Variants in RPS6KC1 observed in about 807,000 individuals in gnomAD.
RPS6KC1 encodes the protein inactive ribosomal protein S6 kinase delta-1.
RPS6KC1 carries 54 observed loss-of-function variants against 103.8 expected under a neutral mutation model. The observed-to-expected ratio is 0.52, with a 90% CI of 0.42 to 0.65. RPS6KC1 has a LOEUF of 0.65. Ranked by LOEUF, RPS6KC1 falls within the 30% of genes least tolerant of loss-of-function variation. RPS6KC1 has a pLI of 0.00. For synonymous variants in RPS6KC1, 439 were observed against 438.7 expected, an observed-to-expected ratio of 1.00 and a Z score of -0.01; for missense variants, 1,151 against 1,253.8, an observed-to-expected ratio of 0.92 and a Z score of 1.24.
chr1:213,401,249 C>T, the RPS6KC1 span, among the ~76,000 whole-genome samples: 1 of 152,146 alleles, frequency 6.6e-6, no homozygotes, highest in South Asian at 2.1e-4. Context: ...ATGAATTACT[C>T]AAACAGCCTG....
At chr1:213,627,364 G>T in the RPS6KC1 span, among the ~76,000 whole-genome samples, 1 of 152,024 alleles carries the variant, frequency 6.6e-6, no homozygotes, top group African/African-American at 2.4e-5. Context: ...CATGTCATCT[G>T]CAAACAGGGA....
chr1:213,788,680 C>T, the RPS6KC1 span, among the ~76,000 whole-genome samples: 7,331 of 152,264 alleles, frequency 0.048, 278 homozygotes, highest in East Asian at 0.19. Flanking sequence ...ACTCATCTGA[C>T]ACCATGCGGA....
chr1:213,641,164 A>AT, the RPS6KC1 span, among the ~76,000 whole-genome samples: 1 of 150,626 alleles, frequency 6.6e-6, no homozygotes, highest in African/African-American at 2.4e-5. Context: ...CTCTTTTACC[A>AT]TTTTTTTTCT....
At chr1:213,313,489 CT>C in the RPS6KC1 span, among the ~76,000 whole-genome samples, 1 of 152,264 alleles carries the variant, frequency 6.6e-6, no homozygotes, top group African/African-American at 2.4e-5. Context: ...GTTTATATCC[CT>C]TTTTTGACAC....
the RPS6KC1 span, among the ~76,000 whole-genome samples, chr1:213,661,139 C>CT: frequency 5.3e-5 from 8 of 152,154 alleles, no homozygotes; most frequent in Non-Finnish European, 7.3e-5. Flanking sequence ...AAGCTGCCCC[C>CT]TTTTTTTCTA....
At chr1:213,362,575 G>A in the RPS6KC1 span, among the ~76,000 whole-genome samples, 1 of 152,174 alleles carries the variant, frequency 6.6e-6, no homozygotes, top group South Asian at 2.1e-4. Context: ...CCATGCCATG[G>A]GCAAACACGT....
At chr1:213,677,755 C>T in the RPS6KC1 span, among the ~76,000 whole-genome samples, 1 of 152,074 alleles carries the variant, frequency 6.6e-6, no homozygotes, top group African/African-American at 2.4e-5. Context: ...TACCTGTAAT[C>T]CCAGCACTTT....
chr1:213,811,577 C>T, the RPS6KC1 span, among the ~76,000 whole-genome samples: 1 of 152,178 alleles, frequency 6.6e-6, no homozygotes, highest in Non-Finnish European at 1.5e-5. Flanking sequence ...CTGGAGTGAT[C>T]AGGAGTCATC....
rs574463335 is a variant in RPS6KC1, at chr1:213,188,386, C to T, written c.1044+11894C>T. Among the ~76,000 whole-genome samples, 11 of 151,958 alleles carry T rather than the reference C, an allele frequency of 7.2e-5. No homozygotes were observed. In the South Asian group the frequency reaches 1.7e-3, roughly 23 times the overall value. ...TGTCACAGATGTGGAGGTCTGATTC[C>T]CTTGCCATCTGTTCAGAGTTGTTTT... On this transcript the variant is annotated intron_variant, in intron 8 of 14. Coordinates refer to ENST00000366960, the MANE Select transcript of RPS6KC1 (RefSeq NM_012424.6).
At chr1:213,653,551 T>C in the RPS6KC1 span, among the ~76,000 whole-genome samples, 1 of 152,368 alleles carries the variant, frequency 6.6e-6, no homozygotes, top group South Asian at 2.1e-4. Flanking sequence ...AAGTCATTTG[T>C]TGACATTTAA....
chr1:213,672,357 A>C, the RPS6KC1 span, among the ~76,000 whole-genome samples: 1 of 152,230 alleles, frequency 6.6e-6, no homozygotes, highest in Non-Finnish European at 1.5e-5. Flanking sequence ...CACATTTTCA[A>C]ACACATTTCA....
chr1:213,595,961 G>C, the RPS6KC1 span, among the ~76,000 whole-genome samples: 1 of 151,080 alleles, frequency 6.6e-6, no homozygotes, highest in Non-Finnish European at 1.5e-5. Context: ...TTTTTTTTTT[G>C]CTGTTGTGTT....
chr1:213,756,289 T>C, the RPS6KC1 span, among the ~76,000 whole-genome samples: 1 of 152,118 alleles, frequency 6.6e-6, no homozygotes, highest in Non-Finnish European at 1.5e-5. Context: ...TAACTTAATC[T>C]CCAGAAGAAA....
the RPS6KC1 span, among the ~76,000 whole-genome samples, chr1:213,431,763 T>A: frequency 6.6e-6 from 1 of 152,110 alleles, no homozygotes; most frequent in Admixed American, 6.6e-5. Flanking sequence ...AATAGTGTTA[T>A]GAACATTCTT....
the RPS6KC1 span, among the ~76,000 whole-genome samples, chr1:213,693,406 C>T: frequency 6.6e-6 from 1 of 152,242 alleles, no homozygotes; most frequent in African/African-American, 2.4e-5. Flanking sequence ...TGCCCACCCT[C>T]TCCAATTTGG....
At chr1:213,204,514 T>C (rs1200852030) in intron 8 of RPS6KC1, among the ~76,000 whole-genome samples, 1 of 152,074 alleles carries the variant, frequency 6.6e-6, no homozygotes, top group Non-Finnish European at 1.5e-5. Flanking sequence ...GAATAGACAA[T>C]ATAAATACCT....
At chr1:213,541,106 C>G in the RPS6KC1 span, among the ~76,000 whole-genome samples, 1 of 44,224 alleles carries the variant, frequency 2.3e-5, no homozygotes, top group Non-Finnish European at 5.8e-5. Context: ...CAACTTCATT[C>G]AAGCTCCTGT....
rs869259657 is a variant in RPS6KC1 at position 213,057,752 on chromosome 1, C to CTTTTTTTTTTTTT, written c.105+6255_105+6267dup. 1.8e-4 allele frequency among the ~76,000 whole-genome samples: 13 copies of CTTTTTTTTTTTTT among 73,700 alleles called. 1 individual carries two copies. The highest frequency in any genetic ancestry group is 4.9e-4 in the East Asian group (1 of 2,050). 48.4% of individuals were successfully genotyped at this position (73,700 alleles called of 152,430 possible). On this transcript the variant is annotated intron_variant, in intron 1 of 14. Coordinates refer to ENST00000366960, the MANE Select transcript of RPS6KC1 (RefSeq NM_012424.6). ...CATATCTTTTAATTCTCTGAAGTAT[C>CTTTTTTTTTTTTT]TTTTTTTTTTTTTTTTTTTTTTTTC...
chr1:213,602,908 G>T, the RPS6KC1 span, among the ~76,000 whole-genome samples: 1 of 152,178 alleles, frequency 6.6e-6, no homozygotes, highest in Non-Finnish European at 1.5e-5. Context: ...CACATGGTCT[G>T]TTGGTATGAG....
Sources: gnomAD v4.1 joint callset for allele counts (sites outside exome capture counted in the v4.1 genomes callset) on GRCh38, gnomAD v4.1.1 for gene constraint, MANE v1.5 for transcripts, NCBI Gene and HGNC (gene_info 2026-07-23, HGNC 2026-07-21) for gene names.